OSBPL10: variants seen among roughly 807,000 people sequenced by gnomAD.
OSBPL10 encodes oxysterol-binding protein-related protein 10.
In OSBPL10, 49 loss-of-function variants were observed where a neutral mutation model predicts 81.7. The observed-to-expected ratio is 0.60, with a 90% CI of 0.48 to 0.76. The LOEUF (loss-of-function observed/expected upper bound fraction) is 0.76. Ranked by LOEUF, OSBPL10 falls within the 30% of genes least tolerant of loss-of-function variation. The pLI, the probability that OSBPL10 is intolerant of heterozygous loss-of-function variation, is 0.00. For missense variants in OSBPL10, 923 were observed against 987.8 expected (o/e 0.93, Z 0.88); for synonymous variants, 419 against 383.6 (o/e 1.09, Z -1.08).
intron 1 of OSBPL10, among the ~76,000 whole-genome samples, chr3:32,068,996 G>A (rs536937851): frequency 1.4e-4 from 22 of 151,808 alleles, no homozygotes; most frequent in Middle Eastern, 3.4e-3. Context: ...CCCCACACCC[G>A]GTCTGGTTTA....
intron 1 of OSBPL10, among the ~76,000 whole-genome samples, chr3:32,071,851 G>A (rs368687857): frequency 1.3e-5 from 2 of 152,144 alleles, no homozygotes; most frequent in Admixed American, 6.5e-5. Flanking sequence ...CCCCATAACT[G>A]TATCTCTCTG....
At chr3:31,739,858 CAATT>C (rs1218516681) in intron 5 of OSBPL10, among the ~76,000 whole-genome samples, 1 of 152,180 alleles carries the variant, frequency 6.6e-6, no homozygotes, top group African/African-American at 2.4e-5. Flanking sequence ...TGTTCATTAT[CAATT>C]GTTTTTGCAT....
chr3:31,798,888 A>G (rs1189424417), intron 4 of OSBPL10, among the ~76,000 whole-genome samples: 4 of 152,204 alleles, frequency 2.6e-5, no homozygotes, highest in Non-Finnish European at 5.9e-5. Flanking sequence ...TGTGGAAGAC[A>G]ATTAAGGAGC....
At chr3:32,009,586 T>G in intron 2 of OSBPL10, among the ~76,000 whole-genome samples, 1 of 152,276 alleles carries the variant, frequency 6.6e-6, no homozygotes, top group South Asian at 2.1e-4. Context: ...TGGTGAAATT[T>G]AAGATGGGGA....
At chr3:31,922,629 T>C (rs1408334985) in intron 1 of OSBPL10, among the ~76,000 whole-genome samples, 2 of 151,910 alleles carry the variant, frequency 1.3e-5, no homozygotes, top group Non-Finnish European at 2.9e-5. Flanking sequence ...AAAAAAAAAC[T>C]TCTATAAATC....
chr3:31,792,717 C>T (rs942333890), intron 4 of OSBPL10, among the ~76,000 whole-genome samples: 2 of 146,416 alleles, frequency 1.4e-5, no homozygotes, highest in African/African-American at 2.6e-5. Flanking sequence ...GTGTGTTTTA[C>T]ACTCTCAGCT....
chr3:32,040,377 A>G (rs976108717), intron 2 of OSBPL10, among the ~76,000 whole-genome samples: 16 of 152,226 alleles, frequency 1.1e-4, no homozygotes, highest in African/African-American at 3.4e-4. Flanking sequence ...ACTGCACTCC[A>G]GCCTAGGCGA....
intron 2 of OSBPL10, among the ~76,000 whole-genome samples, chr3:32,022,989 TG>T (rs1326953888): frequency 6.6e-6 from 1 of 152,154 alleles, no homozygotes; most frequent in Non-Finnish European, 1.5e-5. Context: ...GGTGGAGGTC[TG>T]GGTTTCTGAA....
At chr3:32,021,185 C>G (rs1699360569) in intron 2 of OSBPL10, among the ~76,000 whole-genome samples, 1 of 152,162 alleles carries the variant, frequency 6.6e-6, no homozygotes. Context: ...GGGTTAAGAC[C>G]TCAATATATG....
At chr3:32,070,765 C>A (rs936404949) in intron 1 of OSBPL10, among the ~76,000 whole-genome samples, 1 of 152,212 alleles carries the variant, frequency 6.6e-6, no homozygotes, top group Non-Finnish European at 1.5e-5. Flanking sequence ...CTGTGGTGCC[C>A]AACCCATACA....
chr3:31,761,872 G>A (rs1404000327), intron 4 of OSBPL10, among the ~76,000 whole-genome samples: 4 of 149,998 alleles, frequency 2.7e-5, no homozygotes, highest in Admixed American at 6.6e-5. Context: ...CATAAGGATG[G>A]AGAAGCCTTG....
chr3:31,928,228 G>C (rs558383595), intron 1 of OSBPL10, among the ~76,000 whole-genome samples: 2 of 152,204 alleles, frequency 1.3e-5, no homozygotes, highest in South Asian at 4.2e-4. Context: ...TAATTCGGAG[G>C]TATTGATCTT....
intron 8 of OSBPL10, among the ~76,000 whole-genome samples, chr3:31,678,615 T>C (rs1266518299): frequency 6.6e-6 from 1 of 152,142 alleles, no homozygotes; most frequent in African/African-American, 2.4e-5. Flanking sequence ...TGGCAAGAAT[T>C]AGGGGCTCAC....
chr3:31,840,133 A>C (rs2125552521), intron 3 of OSBPL10, among the ~76,000 whole-genome samples: 1 of 152,092 alleles, frequency 6.6e-6, no homozygotes, highest in African/African-American at 2.4e-5. Context: ...GAATCATAGA[A>C]CAAAAGGCGA....
chr3:31,789,915 A>T (rs1200271145), intron 4 of OSBPL10, among the ~76,000 whole-genome samples: 1 of 152,014 alleles, frequency 6.6e-6, no homozygotes, highest in Non-Finnish European at 1.5e-5. Context: ...ACATTTATAT[A>T]CTACTTTGAT....
intron 4 of OSBPL10, chr3:31,795,715 A>G: frequency 4.6e-6 from 1 of 217,092 alleles, no homozygotes; most frequent in Non-Finnish European, 1.0e-5. Flanking sequence ...TTTTAGGAAC[A>G]GGTCTCACCT....
rs187891617 is a variant in OSBPL10 at position 31,708,491 on chromosome 3, A to G, written c.1096-5983T>C. Among the ~76,000 whole-genome samples, 207 of 152,338 alleles carry G rather than the reference A, an allele frequency of 1.4e-3. 1 individual carries two copies. The highest frequency in any genetic ancestry group is 2.4e-3 in the Non-Finnish European group (163 of 68,026). On this transcript the variant is annotated intron_variant, in intron 6 of 11. Transcript: ENST00000396556. ...GAAGATCCAGTCCGACTCTGTATAT[A>G]TGTCAATAACATCAGCATAGCCCAG...
intron 4 of OSBPL10, among the ~76,000 whole-genome samples, chr3:31,761,827 A>AAAAAAAAAAAAAAACAAAAC (rs996116489): frequency 3.3e-5 from 5 of 149,544 alleles, no homozygotes; most frequent in African/African-American, 1.3e-4. Context: ...AAAAAAAAAA[A>AAAAAAAAAAAAAAACAAAAC]AAAACCCTAA....
chr3:31,779,773 A>G (rs1295451413), intron 4 of OSBPL10, among the ~76,000 whole-genome samples: 1 of 152,232 alleles, frequency 6.6e-6, no homozygotes, highest in Non-Finnish European at 1.5e-5. Flanking sequence ...AGCACTTGGA[A>G]TACTCAAGAT....
Sources: gnomAD v4.1 joint callset for allele counts (sites outside exome capture counted in the v4.1 genomes callset) on GRCh38, gnomAD v4.1.1 for gene constraint, MANE v1.5 for transcripts, NCBI Gene and HGNC (gene_info 2026-07-23, HGNC 2026-07-21) for gene names.